MGAT5: variants seen among roughly 807,000 people sequenced by gnomAD.
MGAT5 encodes alpha-1,6-mannosylglycoprotein 6-beta-N-acetylglucosaminyltransferase, also known as alpha-1,6-mannosylglycoprotein 6-beta-N-acetylglucosaminyltransferase A.
MGAT5 carries 30 observed loss-of-function variants against 94.3 expected under a neutral mutation model. The observed-to-expected ratio is 0.32, with a 90% CI of 0.24 to 0.43. The LOEUF (loss-of-function observed/expected upper bound fraction) is 0.43, where lower values mean the gene tolerates loss of function less well. MGAT5 is among the 20% of genes least tolerant of loss of function. The pLI is 1.00. For synonymous variants in MGAT5, 310 were observed against 322.9 expected, an observed-to-expected ratio of 0.96 and a Z score of 0.43; for missense variants, 691 against 905.5, an observed-to-expected ratio of 0.76 and a Z score of 3.04.
intron 4 of MGAT5, among the ~76,000 whole-genome samples, chr2:134,323,864 T>G (rs1687482236): frequency 6.6e-6 from 1 of 152,140 alleles, no homozygotes; most frequent in African/African-American, 2.4e-5. Flanking sequence ...CAGCCTTGTA[T>G]TTCCAGAACA....
At chr2:134,353,608 A>G (rs1179836486) in intron 9 of MGAT5, among the ~76,000 whole-genome samples, 1 of 152,186 alleles carries the variant, frequency 6.6e-6, no homozygotes, top group African/African-American at 2.4e-5. Context: ...TTTGAAGATA[A>G]TCAAATAGTT....
At chr2:134,123,206 CCT>C (rs1685696475) in intron 1 of MGAT5, among the ~76,000 whole-genome samples, 1 of 152,166 alleles carries the variant, frequency 6.6e-6, no homozygotes. Flanking sequence ...GCTAGACTCC[CCT>C]GTTACCCTAG....
intron 14 of MGAT5, among the ~76,000 whole-genome samples, chr2:134,436,110 T>A (rs917259767): frequency 2.6e-5 from 4 of 152,236 alleles, no homozygotes; most frequent in African/African-American, 9.6e-5. Context: ...AGTTCTTTCT[T>A]ATCAGTCACC....
At chr2:134,366,961 C>A (rs1201594495) in intron 10 of MGAT5, among the ~76,000 whole-genome samples, 1 of 152,198 alleles carries the variant, frequency 6.6e-6, no homozygotes, top group African/African-American at 2.4e-5. Context: ...TATTTGCAGA[C>A]CTTGCTACTT....
chr2:134,141,994 A>C (rs1178226485), intron 1 of MGAT5, among the ~76,000 whole-genome samples: 5 of 152,156 alleles, frequency 3.3e-5, no homozygotes, highest in Admixed American at 3.3e-4. Flanking sequence ...AGCCTGGCTC[A>C]GGAGGTGGGG....
intron 1 of MGAT5, among the ~76,000 whole-genome samples, chr2:134,255,484 T>C (rs886626710): frequency 7.0e-6 from 1 of 143,316 alleles, no homozygotes; most frequent in South Asian, 2.1e-4. Context: ...TATACATATA[T>C]ACATATATAT....
intron 1 of MGAT5, among the ~76,000 whole-genome samples, chr2:134,263,568 G>A (rs958659803): frequency 6.6e-6 from 1 of 152,152 alleles, no homozygotes; most frequent in Non-Finnish European, 1.5e-5. Context: ...ACTGCAGGGT[G>A]GAAGCCACCT....
At chr2:134,269,413 T>C (rs1477360266) in intron 1 of MGAT5, among the ~76,000 whole-genome samples, 2 of 152,230 alleles carry the variant, frequency 1.3e-5, no homozygotes, top group Non-Finnish European at 2.9e-5. Flanking sequence ...TTCTCAGTCC[T>C]GCTACCCACA....
At chr2:134,249,220 C>CTT (rs112989069), upstream of MGAT5, among the ~76,000 whole-genome samples, 7 of 142,214 alleles carry the variant, frequency 4.9e-5, no homozygotes, top group African/African-American at 1.8e-4. Flanking sequence ...TTTCTTTTTT[C>CTT]TTTTTTTTTT....
chr2:134,375,891 T>C (rs1681138631), intron 10 of MGAT5, among the ~76,000 whole-genome samples: 1 of 152,184 alleles, frequency 6.6e-6, no homozygotes, highest in Admixed American at 6.5e-5. Flanking sequence ...TTTCATCTTC[T>C]TCCAGGCTGC....
At chr2:134,230,243 T>C (rs1033967473) in intron 1 of MGAT5, among the ~76,000 whole-genome samples, 1 of 152,168 alleles carries the variant, frequency 6.6e-6, no homozygotes, top group Non-Finnish European at 1.5e-5. Context: ...TGTGCTCCTA[T>C]GAGAATCTAA....
chr2:134,433,791 G>A (rs116631323), intron 14 of MGAT5, among the ~76,000 whole-genome samples: 2,448 of 151,778 alleles, frequency 0.016, 69 homozygotes, highest in African/African-American at 0.057. Context: ...CTGACCGAAC[G>A]GGACCCAAAC....
At chr2:134,125,400 A>G (rs956400968) in intron 1 of MGAT5, among the ~76,000 whole-genome samples, 1 of 152,154 alleles carries the variant, frequency 6.6e-6, no homozygotes, top group Non-Finnish European at 1.5e-5. Context: ...AAGGCTGGTG[A>G]GTATGCCCTG....
intron 1 of MGAT5, among the ~76,000 whole-genome samples, chr2:134,158,655 A>G (rs1399958675): frequency 6.6e-6 from 1 of 152,050 alleles, no homozygotes; most frequent in South Asian, 2.1e-4. Context: ...TGCCCCACCA[A>G]TTCGGAAGGG....
At chr2:134,157,797 A>G (rs544271071) in intron 1 of MGAT5, among the ~76,000 whole-genome samples, 2 of 152,126 alleles carry the variant, frequency 1.3e-5, no homozygotes, top group East Asian at 3.9e-4. Flanking sequence ...AGATTATCAT[A>G]AGGGGCACAC....
chr2:134,324,755 G>C (rs1687542347), intron 4 of MGAT5, among the ~76,000 whole-genome samples: 1 of 152,018 alleles, frequency 6.6e-6, no homozygotes, highest in Non-Finnish European at 1.5e-5. Flanking sequence ...TTTTGGGGTG[G>C]GTCAGGGAGT....
intron 12 of MGAT5, among the ~76,000 whole-genome samples, chr2:134,421,272 G>A (rs1254623563): frequency 6.6e-6 from 1 of 152,166 alleles, no homozygotes; most frequent in African/African-American, 2.4e-5. Flanking sequence ...ATAATTCAAT[G>A]TATGTTTGAA....
intron 1 of MGAT5, among the ~76,000 whole-genome samples, chr2:134,204,413 C>T (rs1679937791): frequency 6.6e-6 from 1 of 152,124 alleles, no homozygotes; most frequent in Non-Finnish European, 1.5e-5. Context: ...ACTTGAGAGA[C>T]TCAAAAGAAA....
At chr2:134,440,177 G>C (rs1298245335) in intron 14 of MGAT5, among the ~76,000 whole-genome samples, 4 of 152,124 alleles carry the variant, frequency 2.6e-5, no homozygotes, top group Non-Finnish European at 5.9e-5. Flanking sequence ...CCCACTCGGA[G>C]CACTTAACAC....
Sources: gnomAD v4.1 joint callset for allele counts (sites outside exome capture counted in the v4.1 genomes callset) on GRCh38, gnomAD v4.1.1 for gene constraint, MANE v1.5 for transcripts, NCBI Gene and HGNC (gene_info 2026-07-23, HGNC 2026-07-21) for gene names.